Variants in PIAS2 observed in about 807,000 individuals in gnomAD.
PIAS2 encodes protein inhibitor of activated STAT 2.
In PIAS2, 19 loss-of-function variants were observed where a neutral mutation model predicts 69.7. The ratio of observed to expected loss-of-function variants is 0.27; its 90% CI spans 0.19 to 0.40. PIAS2 has a LOEUF of 0.40. PIAS2 is among the 10% of genes least tolerant of loss of function. The probability of loss-of-function intolerance (pLI) is 1.00; values close to 1 mark genes in which losing one functional copy is unlikely to be tolerated. For synonymous variants in PIAS2, 261 were observed against 263.2 expected (o/e 0.99, Z 0.08); for missense variants, 624 against 757.0 (o/e 0.82, Z 2.06).
intron 3 of PIAS2, among the ~76,000 whole-genome samples, chr18:46,860,833 C>T (rs1239030036): frequency 6.6e-6 from 1 of 152,068 alleles, no homozygotes; most frequent in Non-Finnish European, 1.5e-5. Flanking sequence ...AAAAATTAGC[C>T]AGGTGTGGTG....
intron 8 of PIAS2, among the ~76,000 whole-genome samples, chr18:46,837,080 G>C (rs1471695196): frequency 6.6e-6 from 1 of 152,084 alleles, no homozygotes. Context: ...AAACAATGCT[G>C]TAATGAATAT....
At chr18:46,874,424 C>T (rs1220025506) in intron 2 of PIAS2, among the ~76,000 whole-genome samples, 7 of 152,256 alleles carry the variant, frequency 4.6e-5, no homozygotes, top group South Asian at 2.1e-4. Flanking sequence ...GAACCCACTT[C>T]GCTGCACGTC....
intron 9 of PIAS2, 130 bp downstream of exon 9, chr18:46,836,227 C>A: frequency 1.4e-6 from 1 of 709,588 alleles, no homozygotes; most frequent in Non-Finnish European, 2.4e-6. Flanking sequence ...AGACGGAAAA[C>A]ATACAAACAT....
At chr18:46,910,192 T>C (rs1214329034) in intron 1 of PIAS2, among the ~76,000 whole-genome samples, 4 of 152,006 alleles carry the variant, frequency 2.6e-5, no homozygotes, top group Non-Finnish European at 1.5e-5. Flanking sequence ...ATTTTACATA[T>C]GTATATATGT....
intron 1 of PIAS2, among the ~76,000 whole-genome samples, chr18:46,904,594 T>C (rs890470074): frequency 4.6e-5 from 7 of 151,868 alleles, no homozygotes; most frequent in African/African-American, 1.7e-4. Context: ...CTACTAAAAA[T>C]ACAAAAATTA....
chr18:46,917,798 G>A, upstream of PIAS2: 1 of 155,094 alleles, frequency 6.4e-6, no homozygotes, highest in Non-Finnish European at 1.4e-5. Flanking sequence ...CGGCCGGGAC[G>A]CGTGACAGGA....
At chr18:46,845,536 C>T (rs144312671) in intron 6 of PIAS2, among the ~76,000 whole-genome samples, 7 of 152,152 alleles carry the variant, frequency 4.6e-5, no homozygotes, top group African/African-American at 1.4e-4. Context: ...AAAACAACAG[C>T]GTCCAATCCC....
chr18:46,866,641 AAGAC>A (rs2049514232), intron 2 of PIAS2, among the ~76,000 whole-genome samples: 1 of 152,234 alleles, frequency 6.6e-6, no homozygotes, highest in Non-Finnish European at 1.5e-5. Flanking sequence ...TTTCCTTCAA[AAGAC>A]TGTTGACAGC....
chr18:46,862,350 T>G (rs75172167), intron 3 of PIAS2, among the ~76,000 whole-genome samples: 1 of 152,142 alleles, frequency 6.6e-6, no homozygotes, highest in Non-Finnish European at 1.5e-5. Flanking sequence ...AAAAATTATG[T>G]AATTAAGTAC....
chr18:46,812,630 T>C lies in PIAS2; in HGVS notation c.1687-18A>G. ...GGACAGTACTGCTTGAAACAAACAA[T>C]GATGCCAATGAGGAAGAGGCTACTT... is the stretch of plus-strand genomic sequence containing the variant. On this transcript the variant is annotated intron_variant, in intron 13 of 13. Transcript: ENST00000585916. The C allele has an allele frequency of 6.5e-7, 1 of 1,527,164 alleles. No homozygotes were observed. The highest frequency in any genetic ancestry group is 9.0e-7 in the Non-Finnish European group (1 of 1,112,566). 94.6% of individuals were successfully genotyped at this position (1,527,164 alleles called of 1,614,324 possible).
At chr18:46,842,695 A>C (rs1484232160) in intron 8 of PIAS2, among the ~76,000 whole-genome samples, 1 of 152,206 alleles carries the variant, frequency 6.6e-6, no homozygotes, top group Non-Finnish European at 1.5e-5. Flanking sequence ...AATAACCTGA[A>C]GATACTGAAA....
intron 12 of PIAS2, chr18:46,817,436 C>A: frequency 1.0e-6 from 1 of 962,688 alleles, no homozygotes; most frequent in Non-Finnish European, 1.2e-6. Flanking sequence ...GCTCTATCAC[C>A]AGAGAATACC....
intron 2 of PIAS2, among the ~76,000 whole-genome samples, chr18:46,879,887 A>C (rs1415294336): frequency 2.0e-5 from 3 of 152,194 alleles, no homozygotes; most frequent in Admixed American, 6.5e-5. Context: ...TAGAGTAGTC[A>C]GAATCTTAGA....
Position 46,854,783 on chromosome 18 carries a change from G to T in PIAS2, c.726+562C>A, listed in dbSNP as rs140114935. On this transcript the variant is annotated intron_variant, in intron 5 of 13. Coordinates refer to ENST00000585916, the MANE Select transcript of PIAS2 (RefSeq NM_004671.5). ...ATCAAGGCCCAAGCTGGGAATTTTT[G>T]ATCTCTGTAGTTAGCCACTCTCAGC... 1.2e-4 allele frequency among the ~76,000 whole-genome samples: 18 copies of T among 152,222 alleles called. No individual in the cohort carries two copies. In the East Asian group the frequency reaches 2.3e-3, roughly 20 times the overall value.
intron 1 of PIAS2, among the ~76,000 whole-genome samples, chr18:46,912,544 G>A (rs1187506708): frequency 1.3e-5 from 2 of 152,074 alleles, no homozygotes; most frequent in Admixed American, 1.3e-4. Flanking sequence ...AAAGTGATAG[G>A]TCAATAAACA....
intron 2 of PIAS2, among the ~76,000 whole-genome samples, chr18:46,878,669 G>T (rs1193630450): frequency 1.3e-5 from 2 of 152,190 alleles, no homozygotes; most frequent in Non-Finnish European, 2.9e-5. Flanking sequence ...AGGAGTTCGA[G>T]ACCAGCCTGG....
chr18:46,840,093 G>A (rs964473925), intron 8 of PIAS2, among the ~76,000 whole-genome samples: 49 of 151,768 alleles, frequency 3.2e-4, no homozygotes, highest in African/African-American at 8.2e-4. Context: ...CCAAGGAGGC[G>A]GAAGTTGCAG....
chr18:46,879,750 T>C (rs1325280954), intron 2 of PIAS2, among the ~76,000 whole-genome samples: 2 of 152,192 alleles, frequency 1.3e-5, no homozygotes, highest in Non-Finnish European at 2.9e-5. Context: ...ATCTGACATG[T>C]TATAACATGG....
chr18:46,912,635 G>C (rs184132467), intron 1 of PIAS2, among the ~76,000 whole-genome samples: 3 of 152,240 alleles, frequency 2.0e-5, no homozygotes, highest in Non-Finnish European at 4.4e-5. Flanking sequence ...TCTAGGACAG[G>C]TGGAAAATGA....
Sources: gnomAD v4.1 joint callset for allele counts (sites outside exome capture counted in the v4.1 genomes callset) on GRCh38, gnomAD v4.1.1 for gene constraint, MANE v1.5 for transcripts, NCBI Gene and HGNC (gene_info 2026-07-23, HGNC 2026-07-21) for gene names.